The following OTUD7B variants were observed in gnomAD, a reference collection of about 807,000 sequenced individuals.
OTUD7B encodes OTU deubiquitinase 7B, also known as OTU domain-containing protein 7B.
A neutral mutation model predicts 82.2 loss-of-function variants in OTUD7B; 34 were observed. The observed-to-expected ratio is 0.41, with a 90% CI of 0.31 to 0.55. The LOEUF (loss-of-function observed/expected upper bound fraction) is 0.55. OTUD7B is among the 20% of genes least tolerant of loss of function. The pLI is 0.20. For synonymous variants in OTUD7B, 398 were observed against 402.7 expected, an observed-to-expected ratio of 0.99 and a Z score of 0.14; for missense variants, 944 against 1,062.1, an observed-to-expected ratio of 0.89 and a Z score of 1.55.
At chr1:149,959,395 A>C (rs1553775207) in intron 7 of OTUD7B, among the ~76,000 whole-genome samples, 1 of 152,012 alleles carries the variant, frequency 6.6e-6, no homozygotes, top group East Asian at 1.9e-4. Context: ...ATTTAAACCT[A>C]CAAGTTCCTG....
intron 1 of OTUD7B, among the ~76,000 whole-genome samples, chr1:149,986,731 G>A (rs1248923139): frequency 2.0e-5 from 3 of 152,142 alleles, no homozygotes; most frequent in African/African-American, 7.2e-5. Context: ...TCAGTCCCAA[G>A]GAATCCAGAC....
At chr1:150,030,720 G>T in the OTUD7B span, among the ~76,000 whole-genome samples, 1 of 152,072 alleles carries the variant, frequency 6.6e-6, no homozygotes, top group Non-Finnish European at 1.5e-5. Context: ...ACTTGAATTG[G>T]GCTTCCATTT....
upstream of OTUD7B, among the ~76,000 whole-genome samples, chr1:150,014,500 A>T (rs1653214792): frequency 6.6e-6 from 1 of 152,108 alleles, no homozygotes; most frequent in Non-Finnish European, 1.5e-5. Flanking sequence ...CCCAATAGAA[A>T]TGAAATATAT....
chr1:150,047,146 A>C, the OTUD7B span, among the ~76,000 whole-genome samples: 2 of 152,134 alleles, frequency 1.3e-5, no homozygotes, highest in Non-Finnish European at 2.9e-5. Flanking sequence ...TTCCGCTGTC[A>C]ATCACTCAGC....
chr1:149,992,219 G>A (rs1309300983), intron 1 of OTUD7B, among the ~76,000 whole-genome samples: 3 of 152,030 alleles, frequency 2.0e-5, no homozygotes, highest in Non-Finnish European at 2.9e-5. Context: ...GCAAGACTCC[G>A]TCTCAAAATA....
chr1:149,950,141 G>T lies in OTUD7B; in HGVS notation c.926C>A (p.Pro309His). The T allele has an allele frequency of 6.2e-7, 1 of 1,614,034 alleles. No individual in the cohort carries two copies. The highest frequency in any genetic ancestry group is 8.5e-7 in the Non-Finnish European group (1 of 1,180,004). The change falls in exon 8 of 12, where the codon CCC becomes CAC. Residue 309 changes from proline to histidine, a missense_variant. This residue lies in a region of OTUD7B where 530 missense variants were observed against 625.6 expected (regional missense o/e 0.85). Transcript: ENST00000581312. Reference sequence around the variant, plus strand: ...CATGGTGTCTGCCACGACGACTATGGGCCTCCTAAGCACATGAGCAAGGAC... The same window carrying T: ...CATGGTGTCTGCCACGACGACTATGTGCCTCCTAAGCACATGAGCAAGGAC... Reference protein sequence around the residue: ...VFVLAHVLRRPIVVVADTMLR... With the variant: ...VFVLAHVLRRHIVVVADTMLR...
At chr1:149,974,003 C>T (rs1650115580) in intron 2 of OTUD7B, among the ~76,000 whole-genome samples, 2 of 151,798 alleles carry the variant, frequency 1.3e-5, no homozygotes, top group African/African-American at 2.4e-5. Context: ...ATTACAGGCA[C>T]GCGTCACCAC....
At chr1:150,055,871 T>C in the OTUD7B span, among the ~76,000 whole-genome samples, 1 of 151,884 alleles carries the variant, frequency 6.6e-6, no homozygotes, top group Non-Finnish European at 1.5e-5. Context: ...CAACAGACAC[T>C]GGGGCCCACT....
rs587633405 is a variant in OTUD7B at position 149,989,946 on chromosome 1, C to T, written c.-66-12370G>A. On this transcript the variant is annotated intron_variant, in intron 1 of 11. Coordinates refer to ENST00000581312, the MANE Select transcript of OTUD7B (RefSeq NM_020205.4). Reference sequence around the variant, plus strand: ...TAGGCCCAGTATTCAAAACATCCACCTGGCATCTGCTGTTATTATTTACTG... The same window carrying T: ...TAGGCCCAGTATTCAAAACATCCACTTGGCATCTGCTGTTATTATTTACTG... Among the ~76,000 whole-genome samples the T allele has an allele frequency of 1.3e-4, 20 of 152,260 alleles. No individual in the cohort carries two copies. In the East Asian group the frequency reaches 3.1e-3, roughly 24 times the overall value.
At chr1:149,990,874 C>T (rs1482883978) in intron 1 of OTUD7B, among the ~76,000 whole-genome samples, 3 of 152,032 alleles carry the variant, frequency 2.0e-5, no homozygotes, top group South Asian at 2.1e-4. Context: ...GCTTGTAATC[C>T]GAGCTACTTG....
the OTUD7B span, among the ~76,000 whole-genome samples, chr1:150,039,733 G>C: frequency 1.3e-5 from 2 of 152,150 alleles, no homozygotes; most frequent in African/African-American, 4.8e-5. Context: ...TCTCATATAA[G>C]TGTTACACAT....
chr1:149,953,606 G>C (rs1436264505), intron 7 of OTUD7B, among the ~76,000 whole-genome samples: 1 of 152,134 alleles, frequency 6.6e-6, no homozygotes, highest in African/African-American at 2.4e-5. Context: ...TGGTTTGATG[G>C]GGATGGCACT....
chr1:150,031,880 T>C, the OTUD7B span, among the ~76,000 whole-genome samples: 2 of 152,238 alleles, frequency 1.3e-5, no homozygotes, highest in Non-Finnish European at 2.9e-5. Context: ...GTATTTGCTA[T>C]TATTGTTTTG....
chr1:150,005,895 AAGAC>A (rs1182448857), intron 1 of OTUD7B, among the ~76,000 whole-genome samples: 6 of 152,196 alleles, frequency 3.9e-5, no homozygotes, highest in African/African-American at 1.4e-4. Flanking sequence ...TCTCAGACAT[AAGAC>A]AGACAGCCTA....
chr1:150,013,937 A>AAAAAAAT (rs1343558056), upstream of OTUD7B, among the ~76,000 whole-genome samples: 1 of 81,844 alleles, frequency 1.2e-5, no homozygotes, highest in Non-Finnish European at 2.3e-5. Context: ...AAAAAAAAAT[A>AAAAAAAT]ATATATATAT....
the OTUD7B span, among the ~76,000 whole-genome samples, chr1:150,050,966 C>T: frequency 4.0e-5 from 6 of 150,328 alleles, no homozygotes; most frequent in African/African-American, 7.3e-5. Context: ...CGGTGGCTCA[C>T]GCCTGTAATT....
intron 2 of OTUD7B, among the ~76,000 whole-genome samples, chr1:149,971,684 C>A (rs1439842479): frequency 6.6e-6 from 1 of 152,148 alleles, no homozygotes; most frequent in Non-Finnish European, 1.5e-5. Context: ...GTGTCCTAAA[C>A]CACTAAACCT....
chr1:149,998,074 T>C (rs1652032513), intron 1 of OTUD7B, among the ~76,000 whole-genome samples: 1 of 152,154 alleles, frequency 6.6e-6, no homozygotes, highest in East Asian at 1.9e-4. Flanking sequence ...CAGCTCTCCT[T>C]ATTGCTATTA....
At chr1:150,001,382 G>A (rs1652270585) in intron 1 of OTUD7B, among the ~76,000 whole-genome samples, 2 of 152,166 alleles carry the variant, frequency 1.3e-5, no homozygotes, top group African/African-American at 4.8e-5. Context: ...GGAGATATCT[G>A]ACTTGTTCAG....
Sources: allele counts gnomAD v4.1 joint callset (sites outside exome capture counted in the v4.1 genomes callset), GRCh38; gene constraint gnomAD v4.1.1; regional missense constraint gnomAD v4.1.1; transcripts MANE v1.5; gene names NCBI Gene and HGNC (gene_info 2026-07-23, HGNC 2026-07-21).